Variants in TMEM272 observed in about 807,000 individuals in gnomAD.
TMEM272 encodes the protein transmembrane protein 272.
In TMEM272, 8 loss-of-function variants were observed where a neutral mutation model predicts 3.7. That is an observed-to-expected ratio of 2.17 (90% CI 1.27 to 3.91). TMEM272 has a LOEUF of 3.91. Among genes scored for constraint, TMEM272 ranks in the 30% most tolerant of loss-of-function variants. The pLI is 0.00. For missense variants in TMEM272, 166 were observed against 91.5 expected (o/e 1.81, Z -3.32); for synonymous variants, 63 against 39.8 (o/e 1.58, Z -2.20).
At chr13:51,930,749 A>T in the TMEM272 span, among the ~76,000 whole-genome samples, 1 of 151,354 alleles carries the variant, frequency 6.6e-6, no homozygotes, top group Non-Finnish European at 1.5e-5. Flanking sequence ...AATTTTTTAG[A>T]GCAAAAAAAA....
At chr13:51,906,892 A>G in the TMEM272 span, among the ~76,000 whole-genome samples, 4 of 152,240 alleles carry the variant, frequency 2.6e-5, no homozygotes, top group Non-Finnish European at 5.9e-5. Flanking sequence ...CCACATTAGC[A>G]AAGACGAATG....
At chr13:51,895,489 T>C in the TMEM272 span, among the ~76,000 whole-genome samples, 1 of 152,162 alleles carries the variant, frequency 6.6e-6, no homozygotes, top group Non-Finnish European at 1.5e-5. Flanking sequence ...TCTGGCTGTC[T>C]CTTGGATAGC....
At chr13:51,908,407 C>T in the TMEM272 span, 1 of 1,487,292 alleles carries the variant, frequency 6.7e-7, no homozygotes, top group East Asian at 2.3e-5. Flanking sequence ...CGTGGTGGAC[C>T]TGGGACATCC....
chr13:51,916,096 AC>A, the TMEM272 span, among the ~76,000 whole-genome samples: 1 of 152,150 alleles, frequency 6.6e-6, no homozygotes, highest in Non-Finnish European at 1.5e-5. Context: ...AAAATCACTG[AC>A]ACTTAACACT....
At chr13:51,908,657 T>C in the TMEM272 span, 1 of 1,482,886 alleles carries the variant, frequency 6.7e-7, no homozygotes, top group Non-Finnish European at 9.4e-7. Flanking sequence ...TGGATTCCAT[T>C]TCTGAAGGCA....
chr13:51,854,668 C>A, the TMEM272 span, among the ~76,000 whole-genome samples: 1 of 152,170 alleles, frequency 6.6e-6, no homozygotes, highest in Non-Finnish European at 1.5e-5. Flanking sequence ...TCTCTATGCA[C>A]TTCCTTCTTC....
the TMEM272 span, among the ~76,000 whole-genome samples, chr13:51,852,319 C>T: frequency 6.6e-6 from 1 of 152,182 alleles, no homozygotes; most frequent in Non-Finnish European, 1.5e-5. Flanking sequence ...TATCCTTTGG[C>T]CATTTATCTA....
At chr13:51,851,522 C>CTTTT in the TMEM272 span, among the ~76,000 whole-genome samples, 98 of 97,986 alleles carry the variant, frequency 1.0e-3, 3 homozygotes, top group African/African-American at 3.2e-3. Context: ...TTTGTTTTAC[C>CTTTT]TTTTTTTTTT....
intron 1 of TMEM272, among the ~76,000 whole-genome samples, chr13:51,844,463 C>G (rs1252979559): frequency 6.6e-6 from 1 of 152,192 alleles, no homozygotes. Flanking sequence ...CCTTTCTTAT[C>G]TGTAGCTCTC....
At chr13:51,860,817 A>ACGTGTG in the TMEM272 span, among the ~76,000 whole-genome samples, 1 of 91,934 alleles carries the variant, frequency 1.1e-5, no homozygotes, top group African/African-American at 4.5e-5. Context: ...ATATATATAG[A>ACGTGTG]AGTGTGTGTG....
At chr13:51,848,004 G>T (rs183342016), upstream of TMEM272, among the ~76,000 whole-genome samples, 28 of 152,272 alleles carry the variant, frequency 1.8e-4, no homozygotes, top group Non-Finnish European at 3.2e-4. Flanking sequence ...GAGAAAGTAG[G>T]AGTCTTTGGA....
the TMEM272 span, chr13:51,866,066 C>T: frequency 1.2e-4 from 187 of 1,576,920 alleles, no homozygotes; most frequent in Non-Finnish European, 1.5e-4. Context: ...GGCCTTCTCC[C>T]GAGGCAGGGC....
the TMEM272 span, among the ~76,000 whole-genome samples, chr13:51,869,237 C>G: frequency 6.6e-6 from 1 of 152,168 alleles, no homozygotes; most frequent in South Asian, 2.1e-4. Flanking sequence ...AGGTCTGACT[C>G]TAGTTCATCT....
chr13:51,894,810 A>G, the TMEM272 span, among the ~76,000 whole-genome samples: 7 of 152,144 alleles, frequency 4.6e-5, no homozygotes, highest in South Asian at 1.5e-3. Flanking sequence ...GATTTCTATT[A>G]TTATTACATT....
At chr13:51,837,834 T>C (rs1421348138) in intron 2 of TMEM272, among the ~76,000 whole-genome samples, 1 of 152,246 alleles carries the variant, frequency 6.6e-6, no homozygotes. Flanking sequence ...ACCCACTGAC[T>C]GCAGCTTCCT....
At chr13:51,839,563 T>A (rs1302348111) in intron 1 of TMEM272, among the ~76,000 whole-genome samples, 1 of 152,164 alleles carries the variant, frequency 6.6e-6, no homozygotes. Context: ...TCCTTGTTCC[T>A]CATACTGCAG....
chr13:51,841,230 A>G (rs950927089), intron 1 of TMEM272, among the ~76,000 whole-genome samples: 7 of 152,208 alleles, frequency 4.6e-5, no homozygotes, highest in African/African-American at 1.7e-4. Context: ...GGTGCACTTC[A>G]CATAACAGGG....
the TMEM272 span, among the ~76,000 whole-genome samples, chr13:51,903,288 A>G: frequency 6.6e-6 from 1 of 152,202 alleles, no homozygotes; most frequent in Non-Finnish European, 1.5e-5. Flanking sequence ...GCAAATATAG[A>G]AAGTGCAGGT....
the TMEM272 span, among the ~76,000 whole-genome samples, chr13:51,859,937 G>A: frequency 2.0e-5 from 3 of 151,640 alleles, no homozygotes; most frequent in Non-Finnish European, 4.4e-5. Flanking sequence ...CTGTCACCCA[G>A]GCTGGAGTGC....
Sources: gnomAD v4.1 joint callset for allele counts (sites outside exome capture counted in the v4.1 genomes callset) on GRCh38, gnomAD v4.1.1 for gene constraint, MANE v1.5 for transcripts, NCBI Gene and HGNC (gene_info 2026-07-23, HGNC 2026-07-21) for gene names.